The following N4BP2L2 variants were observed in gnomAD, a reference collection of about 807,000 sequenced individuals.
N4BP2L2 encodes the protein NEDD4-binding protein 2-like 2.
N4BP2L2 carries 50 observed loss-of-function variants against 56.2 expected under a neutral mutation model. The ratio of observed to expected loss-of-function variants is 0.89; its 90% CI spans 0.71 to 1.13. N4BP2L2 has a LOEUF of 1.13. N4BP2L2 is among the 50% of genes most tolerant of loss of function. The pLI, the probability that N4BP2L2 is intolerant of heterozygous loss-of-function variation, is 0.00. For synonymous variants in N4BP2L2, 203 were observed against 223.6 expected, an observed-to-expected ratio of 0.91 and a Z score of 0.82; for missense variants, 689 against 693.8, an observed-to-expected ratio of 0.99 and a Z score of 0.08.
intron 1 of N4BP2L2, among the ~76,000 whole-genome samples, chr13:32,537,529 C>T (rs1163980989): frequency 6.6e-6 from 1 of 152,098 alleles, no homozygotes; most frequent in Non-Finnish European, 1.5e-5. Context: ...TCTCCCAAAC[C>T]TCAGACAACC....
chr13:32,443,253 T>C, exon 7 of N4BP2L2: 1 of 1,614,040 alleles, frequency 6.2e-7, no homozygotes, highest in Non-Finnish European at 8.5e-7. Context: ...CTGGTTCTGA[T>C]GCTGCCACCG....
chr13:32,440,919 C>T (rs1196378735), intron 7 of N4BP2L2, among the ~76,000 whole-genome samples: 14 of 144,498 alleles, frequency 9.7e-5, no homozygotes, highest in Admixed American at 4.3e-4. Context: ...GGTGTGATCT[C>T]GGCTCACTGC....
At chr13:32,495,262 A>G (rs2088276435) in intron 6 of N4BP2L2, among the ~76,000 whole-genome samples, 1 of 152,144 alleles carries the variant, frequency 6.6e-6, no homozygotes, top group East Asian at 1.9e-4. Flanking sequence ...TTTGGCAAAT[A>G]GTGTCCTGAG....
intron 6 of N4BP2L2, among the ~76,000 whole-genome samples, chr13:32,492,544 T>C (rs984760794): frequency 9.9e-5 from 15 of 152,198 alleles, no homozygotes; most frequent in African/African-American, 3.6e-4. Context: ...TTGTATGTTA[T>C]GCTTGAAAAG....
intron 6 of N4BP2L2, among the ~76,000 whole-genome samples, chr13:32,499,585 C>A (rs150321684): frequency 1.9e-4 from 29 of 152,320 alleles, no homozygotes; most frequent in African/African-American, 6.7e-4. Context: ...ATCTCATGAA[C>A]TCTCATTTCC....
chr13:32,458,258 G>T (rs1436217265), intron 6 of N4BP2L2, among the ~76,000 whole-genome samples: 1 of 152,126 alleles, frequency 6.6e-6, no homozygotes, highest in Non-Finnish European at 1.5e-5. Flanking sequence ...GTAGAGACGG[G>T]GTTTCACCGT....
At chr13:32,485,858 T>C (rs1439795415) in intron 6 of N4BP2L2, among the ~76,000 whole-genome samples, 2 of 152,002 alleles carry the variant, frequency 1.3e-5, no homozygotes, top group Non-Finnish European at 1.5e-5. Context: ...CAGTTGAACC[T>C]AGGAGTTCAA....
intron 6 of N4BP2L2, among the ~76,000 whole-genome samples, chr13:32,470,593 T>C (rs915160119): frequency 6.6e-6 from 1 of 152,208 alleles, no homozygotes; most frequent in African/African-American, 2.4e-5. Context: ...TCTCATACTC[T>C]GATAGGGAAG....
intron 6 of N4BP2L2, among the ~76,000 whole-genome samples, chr13:32,449,315 A>C (rs1175367522): frequency 2.6e-5 from 4 of 152,236 alleles, no homozygotes; most frequent in African/African-American, 9.6e-5. Context: ...TTAAATAGGC[A>C]GCATAACTAT....
rs760332901 is a variant in N4BP2L2 at position 32,443,609 on chromosome 13, G to T, written c.883C>A (p.Gln295Lys). ...CATGAAGTTTCCGCAGAAAGGTCCT[G>T]GGTGTCTAATGCTATGGTATGCCTA... is the stretch of plus-strand genomic sequence containing the variant. The change falls in exon 7 of 10, where the codon CAG becomes AAG. Residue 295 changes from glutamine (Q) to lysine (K), a missense_variant. Gln to Lys is a moderately conservative substitution (Grantham distance 53, BLOSUM62 1). Transcript: ENST00000357505. 4.3e-6 allele frequency: 7 copies of T among 1,612,016 alleles called. No homozygotes were observed. The East Asian group carries it at 1.3e-4, about 31-fold the overall frequency.
At chr13:32,452,077 T>G (rs571114021) in intron 6 of N4BP2L2, among the ~76,000 whole-genome samples, 8,373 of 150,856 alleles carry the variant, frequency 0.056, 792 homozygotes, top group African/African-American at 0.19. Context: ...TTTTTTTTTT[T>G]TGGGATGGAG....
intron 4 of N4BP2L2, 126 bp from the exon 5 acceptor site, chr13:32,521,575 A>G: frequency 3.2e-6 from 2 of 622,166 alleles, no homozygotes; most frequent in Non-Finnish European, 5.7e-6. Context: ...ATGACGCTTT[A>G]TAAAATAATA....
intron 6 of N4BP2L2, among the ~76,000 whole-genome samples, chr13:32,484,155 T>A (rs2085370466): frequency 7.5e-6 from 1 of 132,558 alleles, no homozygotes; most frequent in Non-Finnish European, 1.7e-5. Context: ...AAACCCCATC[T>A]CTACAAAAAA....
intron 6 of N4BP2L2, among the ~76,000 whole-genome samples, chr13:32,447,416 G>C (rs1298624839): frequency 6.6e-6 from 1 of 152,148 alleles, no homozygotes; most frequent in African/African-American, 2.4e-5. Context: ...TCACTCATGG[G>C]GTGGAGGCAG....
rs140935647 is a variant in N4BP2L2, at chr13:32,536,391, C to T, written c.637G>A (p.Gly213Ser). The T allele has an allele frequency of 8.7e-6, 14 of 1,613,994 alleles. No individual in the cohort carries two copies. In the African/African-American group the frequency reaches 1.7e-4, roughly 20 times the overall value. ...TTTTCTTCATCAGGTTTTAAGAGAC[C>T]ATTATTATGACCCTCATAAAATGGA... Residue 213 changes from glycine to serine, a missense_variant, in exon 2 of 6, where the codon GGT becomes AGT. Transcript: ENST00000267068.
intron 6 of N4BP2L2, among the ~76,000 whole-genome samples, chr13:32,503,967 G>A (rs1175123827): frequency 6.6e-6 from 1 of 152,106 alleles, no homozygotes; most frequent in African/African-American, 2.4e-5. Context: ...CTGCACTCTA[G>A]CCTGGCAGCC....
intron 6 of N4BP2L2, among the ~76,000 whole-genome samples, chr13:32,488,202 T>C (rs2086296973): frequency 6.6e-6 from 1 of 152,218 alleles, no homozygotes; most frequent in Admixed American, 6.5e-5. Context: ...ATGTGGTATA[T>C]ATACAACACG....
intron 6 of N4BP2L2, among the ~76,000 whole-genome samples, chr13:32,460,772 T>C (rs2079901377): frequency 6.6e-6 from 1 of 151,966 alleles, no homozygotes; most frequent in South Asian, 2.1e-4. Flanking sequence ...AGAGTGTGAA[T>C]AGCCAAAGCA....
At position 32,452,716 on chromosome 13, in the gene N4BP2L2, C is replaced by T. The variant is rs2078299629; in HGVS notation, c.366-8590G>A. Among the ~76,000 whole-genome samples the T allele has an allele frequency of 2.0e-5, 3 of 152,292 alleles. No homozygotes were observed. The South Asian group carries it at 6.2e-4, about 32-fold the overall frequency. On this transcript the variant is annotated intron_variant, in intron 6 of 9. Coordinates refer to the N4BP2L2 transcript ENST00000357505. ...TACTATTTAAAAATAACACACACAACTCTTAGTAAACCAGGAATAGATGAG... is the reference window on the plus strand; with the variant it reads ...TACTATTTAAAAATAACACACACAATTCTTAGTAAACCAGGAATAGATGAG...
Sources: allele counts gnomAD v4.1 joint callset (sites outside exome capture counted in the v4.1 genomes callset), GRCh38; gene constraint gnomAD v4.1.1; transcripts MANE v1.5; gene names NCBI Gene and HGNC (gene_info 2026-07-23, HGNC 2026-07-21).